IAPP: variants seen among roughly 807,000 people sequenced by gnomAD.
IAPP encodes Islet amyloid polypeptide (diabetes-associated peptide; amylin).
Under a neutral mutation model 2.9 loss-of-function variants are expected in IAPP, and 4 were observed. That is an observed-to-expected ratio of 1.39 (90% confidence interval 0.69 to 3.19). The LOEUF is 3.19. IAPP is among the 30% of genes most tolerant of loss of function. IAPP has a pLI of 0.01. For synonymous variants in IAPP, 40 were observed against 42.1 expected (o/e 0.95, Z 0.19); for missense variants, 114 against 105.3 (o/e 1.08, Z -0.36).
intron 1 of IAPP, among the ~76,000 whole-genome samples, chr12:21,357,999 G>C (rs959003777): frequency 6.6e-6 from 1 of 152,118 alleles, no homozygotes; most frequent in Non-Finnish European, 1.5e-5. Context: ...TTGGTGGGTG[G>C]GTGGCGTGAG....
upstream of IAPP, among the ~76,000 whole-genome samples, chr12:21,370,496 C>T (rs1232920618): frequency 1.7e-5 from 2 of 116,692 alleles, no homozygotes; most frequent in Non-Finnish European, 3.3e-5. Context: ...GACCCCACAA[C>T]AGGCCCTGGT....
intron 1 of IAPP, among the ~76,000 whole-genome samples, chr12:21,361,535 A>G (rs1242549611): frequency 6.6e-6 from 1 of 152,230 alleles, no homozygotes; most frequent in Non-Finnish European, 1.5e-5. Flanking sequence ...CTGGACAGAG[A>G]ATGACTTTGA....
At chr12:21,369,788 A>G (rs1565519540), upstream of IAPP, among the ~76,000 whole-genome samples, 2 of 152,222 alleles carry the variant, frequency 1.3e-5, no homozygotes, top group East Asian at 3.8e-4. Context: ...ACTTTGACTT[A>G]GCAAGGCTAG....
At chr12:21,358,137 ATGTC>A (rs1391821435) in intron 1 of IAPP, among the ~76,000 whole-genome samples, 1 of 152,190 alleles carries the variant, frequency 6.6e-6, no homozygotes, top group Non-Finnish European at 1.5e-5. Context: ...AAACTTAAAA[ATGTC>A]TGTGCTACAT....
chr12:21,376,933 A>G (rs1490570531), intron 2 of IAPP, among the ~76,000 whole-genome samples: 1 of 152,122 alleles, frequency 6.6e-6, no homozygotes, highest in Non-Finnish European at 1.5e-5. Flanking sequence ...TTTCCTAATA[A>G]TCAGCAAAGA....
intron 1 of IAPP, among the ~76,000 whole-genome samples, chr12:21,360,357 A>C (rs1938738445): frequency 6.6e-6 from 1 of 152,246 alleles, no homozygotes; most frequent in South Asian, 2.1e-4. Context: ...CCAATATAAA[A>C]ATAAATAAAT....
intron 1 of IAPP, among the ~76,000 whole-genome samples, chr12:21,361,583 A>G (rs547596044): frequency 2.0e-5 from 3 of 152,200 alleles, no homozygotes; most frequent in African/African-American, 7.2e-5. Context: ...ATTGGTAATA[A>G]CAAACTTCTC....
chr12:21,357,308 G>T (rs1938445985), intron 1 of IAPP, among the ~76,000 whole-genome samples: 1 of 152,158 alleles, frequency 6.6e-6, no homozygotes, highest in African/African-American at 2.4e-5. Flanking sequence ...CACACACAGG[G>T]ATAATGCCTC....
At chr12:21,361,657 C>T (rs1369053744) in intron 1 of IAPP, among the ~76,000 whole-genome samples, 2 of 152,012 alleles carry the variant, frequency 1.3e-5, no homozygotes, top group Non-Finnish European at 2.9e-5. Context: ...AAAGAGTAGA[C>T]GAATGGCAGT....
intron 1 of IAPP, among the ~76,000 whole-genome samples, chr12:21,366,398 G>C (rs1231108178): frequency 6.6e-6 from 1 of 151,444 alleles, no homozygotes; most frequent in Non-Finnish European, 1.5e-5. Context: ...CGGGCCTGCC[G>C]GGGGGTGGGC....
intron 1 of IAPP, among the ~76,000 whole-genome samples, chr12:21,359,398 A>T (rs1478017978): frequency 2.0e-5 from 3 of 152,130 alleles, no homozygotes; most frequent in African/African-American, 7.2e-5. Flanking sequence ...GTAAAACATT[A>T]GTGAAAAAAA....
intron 2 of IAPP, among the ~76,000 whole-genome samples, chr12:21,375,877 C>T (rs1940157966): frequency 6.6e-6 from 1 of 152,076 alleles, no homozygotes; most frequent in Non-Finnish European, 1.5e-5. Flanking sequence ...GTTACTAGCT[C>T]GTATGTTACC....
intron 2 of IAPP, 193 bp downstream of exon 2, chr12:21,373,624 T>C (rs894513112): frequency 4.3e-6 from 3 of 700,090 alleles, no homozygotes; most frequent in African/African-American, 3.5e-5. Flanking sequence ...TAAATATCTT[T>C]GATGGAACTT....
At chr12:21,375,451 T>C (rs1940123602) in intron 2 of IAPP, among the ~76,000 whole-genome samples, 1 of 152,222 alleles carries the variant, frequency 6.6e-6, no homozygotes, top group African/African-American at 2.4e-5. Context: ...AAAACTAACA[T>C]TATTCAATGT....
At chr12:21,366,255 T>C (rs1159298143) in intron 1 of IAPP, among the ~76,000 whole-genome samples, 2 of 151,974 alleles carry the variant, frequency 1.3e-5, no homozygotes, top group South Asian at 2.1e-4. Flanking sequence ...TATAGAGACA[T>C]GGAGGAAGCT....
chr12:21,373,581 C>A, intron 2 of IAPP, 150 bp downstream of exon 2: 1 of 708,776 alleles, frequency 1.4e-6, no homozygotes, highest in South Asian at 1.5e-5. Context: ...TCCTTGAATT[C>A]TGTGTTCTTT....
At chr12:21,356,961 T>A (rs897215396) in intron 1 of IAPP, among the ~76,000 whole-genome samples, 2 of 151,826 alleles carry the variant, frequency 1.3e-5, no homozygotes, top group Non-Finnish European at 2.9e-5. Context: ...ATAAATATAA[T>A]AAAGTCTCAA....
At chr12:21,366,585 TA>T (rs1262193929) in intron 1 of IAPP, among the ~76,000 whole-genome samples, 1 of 151,966 alleles carries the variant, frequency 6.6e-6, no homozygotes, top group African/African-American at 2.4e-5. Context: ...CATTAAAAGA[TA>T]TTTTTTAACA....
chr12:21,364,198 C>G, intron 1 of IAPP, among the ~76,000 whole-genome samples: 1 of 152,180 alleles, frequency 6.6e-6, no homozygotes, highest in Non-Finnish European at 1.5e-5. Context: ...GCTTATCCAC[C>G]ATGATCAAGT....
Sources: allele counts gnomAD v4.1 joint callset (sites outside exome capture counted in the v4.1 genomes callset), GRCh38; gene constraint gnomAD v4.1.1; transcripts MANE v1.5; gene names NCBI Gene and HGNC (gene_info 2026-07-23, HGNC 2026-07-21).